The following DDAH1 variants were observed in gnomAD, a reference collection of about 807,000 sequenced individuals.
The protein encoded by DDAH1 is N(G),N(G)-dimethylarginine dimethylaminohydrolase 1.
Under a neutral mutation model 28.8 loss-of-function variants are expected in DDAH1, and 19 were observed. That is an observed-to-expected ratio of 0.66 (90% CI 0.46 to 0.97). DDAH1 has a LOEUF of 0.97. Among genes scored for constraint, DDAH1 ranks in the 50% least tolerant of loss-of-function variants. DDAH1 has a pLI of 0.00. For missense variants in DDAH1, 326 were observed against 375.9 expected (o/e 0.87, Z 1.10); for synonymous variants, 153 against 154.4 (o/e 0.99, Z 0.07).
chr1:85,538,630 A>C (rs1168127331), intron 1 of DDAH1, among the ~76,000 whole-genome samples: 1 of 42,724 alleles, frequency 2.3e-5, no homozygotes, highest in African/African-American at 4.3e-5. Context: ...AAGAGAGGGA[A>C]AAAAAAAAGA....
chr1:85,475,978 AG>A (rs1211768281), intron 2 of DDAH1, among the ~76,000 whole-genome samples: 1 of 152,138 alleles, frequency 6.6e-6, no homozygotes, highest in Non-Finnish European at 1.5e-5. Flanking sequence ...TAGTCTCCTG[AG>A]TAGCTGGGAC....
chr1:85,572,151 T>G (rs1326176158), intron 1 of DDAH1, among the ~76,000 whole-genome samples: 1 of 152,202 alleles, frequency 6.6e-6, no homozygotes, highest in African/African-American at 2.4e-5. Context: ...ACACATCTCT[T>G]TCTTTTTTCC....
rs552227071 is a variant in DDAH1 at position 85,568,730 on chromosome 1, C to T, written c.-123+9254G>A. ...CCTCAAGTCTTTGCTGATACTATGT[C>T]CAAAGCATAATAAATTATATCCAAG... On this transcript the variant is annotated intron_variant, in intron 1 of 6. Coordinates refer to the DDAH1 transcript ENST00000426972. Among the ~76,000 whole-genome samples, 10 of 152,174 alleles carry T rather than the reference C, an allele frequency of 6.6e-5. No homozygotes were observed. In the South Asian group the frequency reaches 2.1e-3, roughly 32 times the overall value.
chr1:85,358,257 G>A (rs1485710252), intron 2 of DDAH1, among the ~76,000 whole-genome samples: 1 of 152,198 alleles, frequency 6.6e-6, no homozygotes, highest in Non-Finnish European at 1.5e-5. Context: ...AAATACTAAA[G>A]TGATTATATT....
At chr1:85,517,887 T>A (rs1657527330) in intron 1 of DDAH1, among the ~76,000 whole-genome samples, 1 of 152,204 alleles carries the variant, frequency 6.6e-6, no homozygotes, top group Non-Finnish European at 1.5e-5. Context: ...ATGTTTGAGC[T>A]GGCTGCTACA....
At chr1:85,486,193 T>C (rs1282824005) in intron 2 of DDAH1, among the ~76,000 whole-genome samples, 1 of 152,090 alleles carries the variant, frequency 6.6e-6, no homozygotes, top group Non-Finnish European at 1.5e-5. Context: ...AGAAATGTGG[T>C]TTTCAGGAGA....
At chr1:85,389,572 G>T (rs1651442140) in intron 1 of DDAH1, among the ~76,000 whole-genome samples, 1 of 152,092 alleles carries the variant, frequency 6.6e-6, no homozygotes, top group South Asian at 2.1e-4. Context: ...ATCATGATGG[G>T]CTTTATAAGA....
At chr1:85,568,339 A>C (rs574675494) in intron 1 of DDAH1, among the ~76,000 whole-genome samples, 98 of 152,324 alleles carry the variant, frequency 6.4e-4, no homozygotes, top group African/African-American at 2.3e-3. Context: ...ACGACAGTGG[A>C]ATCAAATAAA....
At chr1:85,331,854 C>T (rs1194202077) in intron 4 of DDAH1, among the ~76,000 whole-genome samples, 1 of 152,094 alleles carries the variant, frequency 6.6e-6, no homozygotes, top group Non-Finnish European at 1.5e-5. Context: ...AGAGAGAATG[C>T]TGGAATTCAG....
chr1:85,513,921 C>T (rs1303796702), intron 1 of DDAH1, among the ~76,000 whole-genome samples: 1 of 152,104 alleles, frequency 6.6e-6, no homozygotes, highest in Non-Finnish European at 1.5e-5. Context: ...TAAAGTAGTC[C>T]AACCATTGTG....
intron 1 of DDAH1, among the ~76,000 whole-genome samples, chr1:85,458,722 C>T (rs1190455268): frequency 6.6e-6 from 1 of 152,134 alleles, no homozygotes; most frequent in African/African-American, 2.4e-5. Flanking sequence ...TGGAAGCTAA[C>T]TTCAAAGGTC....
intron 1 of DDAH1, among the ~76,000 whole-genome samples, chr1:85,554,944 G>A (rs1658919530): frequency 6.6e-6 from 1 of 152,166 alleles, no homozygotes; most frequent in South Asian, 2.1e-4. Flanking sequence ...CATGTACATT[G>A]TTATTTAAAT....
At chr1:85,457,821 CT>C (rs1654959055) in intron 1 of DDAH1, among the ~76,000 whole-genome samples, 1 of 152,180 alleles carries the variant, frequency 6.6e-6, no homozygotes, top group African/African-American at 2.4e-5. Flanking sequence ...TCCCGAGTAG[CT>C]GGGACTACAG....
chr1:85,343,915 A>ATAGT (rs1255438353), intron 4 of DDAH1, among the ~76,000 whole-genome samples: 6 of 152,364 alleles, frequency 3.9e-5, no homozygotes, highest in Admixed American at 2.0e-4. Flanking sequence ...TCTCTATTAT[A>ATAGT]TAGTTAGTCA....
chr1:85,467,195 G>A (rs530701865), upstream of DDAH1: 3 of 152,264 alleles, frequency 2.0e-5, no homozygotes, highest in African/African-American at 7.2e-5. Context: ...TAAAGTATAG[G>A]ACTTCATTCT....
At chr1:85,542,996 A>T (rs1378934998) in intron 1 of DDAH1, among the ~76,000 whole-genome samples, 1 of 152,234 alleles carries the variant, frequency 6.6e-6, no homozygotes, top group South Asian at 2.1e-4. Flanking sequence ...CCAAGATCAC[A>T]TAGCCAGAAA....
At position 85,358,944 on chromosome 1, in the gene DDAH1, C is replaced by G. The variant is rs1649637140; in HGVS notation, c.304-97G>C. On this transcript the variant is annotated intron_variant, in intron 1 of 5. Transcript: ENST00000284031. ...AAACACTAAATCAAGCTCTCGTGCA[C>G]ACACCCACACACATCCACACTCATA... 4.3e-5 allele frequency: 33 copies of G among 766,102 alleles called. No individual in the cohort carries two copies. The South Asian group carries it at 5.4e-4, about 13-fold the overall frequency. The allele number at this position is 766,102 out of a possible 1,614,324, so 47.5% of individuals were successfully genotyped here. A position where few individuals can be genotyped will look rare whatever the true frequency, so the allele number is the denominator to read the frequency against.
intron 4 of DDAH1, among the ~76,000 whole-genome samples, chr1:85,347,402 G>A (rs1001405539): frequency 1.8e-4 from 28 of 152,322 alleles, no homozygotes; most frequent in Admixed American, 6.5e-5. Flanking sequence ...TTAAGAAAAT[G>A]TGGCACATAT....
At chr1:85,520,681 A>G (rs571524323) in intron 1 of DDAH1, among the ~76,000 whole-genome samples, 1 of 152,368 alleles carries the variant, frequency 6.6e-6, no homozygotes, top group African/African-American at 2.4e-5. Context: ...CAATTCAGAT[A>G]GGAAAATGGA....
Sources: allele counts gnomAD v4.1 joint callset (sites outside exome capture counted in the v4.1 genomes callset), GRCh38; gene constraint gnomAD v4.1.1; transcripts MANE v1.5; gene names NCBI Gene and HGNC (gene_info 2026-07-23, HGNC 2026-07-21).